OPCML: variants seen among roughly 807,000 people sequenced by gnomAD.
The protein encoded by OPCML is opioid binding protein/cell adhesion molecule like.
In OPCML, 13 loss-of-function variants were observed where a neutral mutation model predicts 37.8. The ratio of observed to expected loss-of-function variants is 0.34; its 90% CI spans 0.22 to 0.55. OPCML has a LOEUF of 0.55. Ranked by LOEUF, OPCML falls within the 20% of genes least tolerant of loss-of-function variation. The pLI, the probability that OPCML is intolerant of heterozygous loss-of-function variation, is 0.91. For missense variants in OPCML, 341 were observed against 435.6 expected, an observed-to-expected ratio of 0.78 and a Z score of 1.93; for synonymous variants, 176 against 168.8, an observed-to-expected ratio of 1.04 and a Z score of -0.33.
chr11:132,732,159 A>T (rs1019522566), intron 2 of OPCML, among the ~76,000 whole-genome samples: 1 of 152,198 alleles, frequency 6.6e-6, no homozygotes, highest in African/African-American at 2.4e-5. Context: ...ACTAGTTAGG[A>T]GAATATGTTT....
chr11:132,730,162 G>A (rs1038999602), intron 2 of OPCML, among the ~76,000 whole-genome samples: 4 of 151,626 alleles, frequency 2.6e-5, no homozygotes, highest in East Asian at 1.9e-4. Context: ...ACAGGCACCC[G>A]CCACCACACC....
intron 1 of OPCML, among the ~76,000 whole-genome samples, chr11:133,492,807 G>A (rs1947694528): frequency 6.6e-6 from 1 of 152,088 alleles, no homozygotes; most frequent in Admixed American, 6.5e-5. Flanking sequence ...ATGGAAACTT[G>A]AGGGAATGTC....
At chr11:133,026,863 T>C (rs1947564740) in intron 1 of OPCML, among the ~76,000 whole-genome samples, 1 of 152,214 alleles carries the variant, frequency 6.6e-6, no homozygotes, top group East Asian at 1.9e-4. Context: ...ATAGTTGATA[T>C]GTCGTTTGGA....
chr11:132,560,163 G>A (rs1049942435), intron 3 of OPCML, among the ~76,000 whole-genome samples: 1 of 152,014 alleles, frequency 6.6e-6, no homozygotes, highest in African/African-American at 2.4e-5. Context: ...CATTCCCTAG[G>A]TAATAGAAAT....
intron 3 of OPCML, among the ~76,000 whole-genome samples, chr11:132,546,562 C>A (rs765199093): frequency 2.0e-5 from 3 of 152,162 alleles, no homozygotes; most frequent in African/African-American, 7.2e-5. Context: ...CATCTTTCCA[C>A]ATATGTCAAT....
intron 2 of OPCML, among the ~76,000 whole-genome samples, chr11:132,765,595 C>A (rs1946412706): frequency 6.6e-6 from 1 of 152,206 alleles, no homozygotes; most frequent in East Asian, 1.9e-4. Flanking sequence ...AACAAGAACA[C>A]TGGAGTTGAT....
chr11:132,690,980 C>A (rs1943379753), intron 2 of OPCML, among the ~76,000 whole-genome samples: 1 of 152,178 alleles, frequency 6.6e-6, no homozygotes, highest in Non-Finnish European at 1.5e-5. Context: ...GACTCATTCT[C>A]TCATCAGACC....
At chr11:132,832,634 T>C (rs1300467994) in intron 2 of OPCML, among the ~76,000 whole-genome samples, 1 of 152,260 alleles carries the variant, frequency 6.6e-6, no homozygotes, top group Non-Finnish European at 1.5e-5. Flanking sequence ...TCATGTATGC[T>C]TTTTACAATT....
At chr11:132,462,522 C>T (rs2096106014) in intron 4 of OPCML, among the ~76,000 whole-genome samples, 1 of 152,150 alleles carries the variant, frequency 6.6e-6, no homozygotes, top group African/African-American at 2.4e-5. Context: ...AAGCGAGTGG[C>T]ATTGGAAAAG....
chr11:133,447,035 TTAGA>T (rs1489235486), intron 1 of OPCML, among the ~76,000 whole-genome samples: 6 of 152,354 alleles, frequency 3.9e-5, no homozygotes, highest in East Asian at 3.9e-4. Flanking sequence ...TTCATTTATC[TTAGA>T]TAGATACCTA....
intron 1 of OPCML, among the ~76,000 whole-genome samples, chr11:133,444,856 A>T (rs1183853050): frequency 6.6e-6 from 1 of 151,622 alleles, no homozygotes; most frequent in Non-Finnish European, 1.5e-5. Flanking sequence ...GGAGACCACC[A>T]TACCCCATCT....
chr11:132,660,803 C>T (rs889280345), intron 2 of OPCML, among the ~76,000 whole-genome samples: 8 of 152,074 alleles, frequency 5.3e-5, no homozygotes, highest in African/African-American at 1.9e-4. Flanking sequence ...CCATGACAGT[C>T]GGCTGATGGA....
intron 2 of OPCML, among the ~76,000 whole-genome samples, chr11:132,728,898 G>C (rs1385161540): frequency 6.6e-6 from 1 of 152,144 alleles, no homozygotes; most frequent in African/African-American, 2.4e-5. Flanking sequence ...TGCCAGGTCT[G>C]TGCTCTTTCT....
At chr11:132,861,048 A>C (rs1942279933) in intron 2 of OPCML, among the ~76,000 whole-genome samples, 1 of 152,232 alleles carries the variant, frequency 6.6e-6, no homozygotes, top group African/African-American at 2.4e-5. Flanking sequence ...ATTTTAATTC[A>C]CTGTATCTCA....
chr11:132,940,369 G>C (rs1945536365), intron 2 of OPCML, among the ~76,000 whole-genome samples: 1 of 152,170 alleles, frequency 6.6e-6, no homozygotes, highest in Admixed American at 6.5e-5. Context: ...TCGTGTGATG[G>C]GCATGGGTAT....
rs577687469 is a variant in OPCML, at chr11:133,207,978, C to T, written c.62-264968G>A. Among the ~76,000 whole-genome samples, 6 of 152,230 alleles carry T rather than the reference C, an allele frequency of 3.9e-5. No homozygotes were observed. The South Asian group carries it at 1.2e-3, about 32-fold the overall frequency. ...TGAAAAATATTTTTCCCTCCTTTAC[C>T]CATCTACTTAGCACCTCTACGCTTT... On this transcript the variant is annotated intron_variant, in intron 1 of 7. Transcript: ENST00000524381.
chr11:132,870,203 A>G (rs1317990493), intron 2 of OPCML, among the ~76,000 whole-genome samples: 1 of 152,226 alleles, frequency 6.6e-6, no homozygotes, highest in Non-Finnish European at 1.5e-5. Context: ...GAGTTCAGAC[A>G]GTCAGCTTGA....
chr11:133,402,283 C>T (rs899227920), intron 1 of OPCML, among the ~76,000 whole-genome samples: 6 of 152,016 alleles, frequency 3.9e-5, no homozygotes, highest in Admixed American at 6.6e-5. Flanking sequence ...AACAAGCCCA[C>T]CCAAGATAAC....
At chr11:132,722,718 G>T in intron 2 of OPCML, among the ~76,000 whole-genome samples, 1 of 152,042 alleles carries the variant, frequency 6.6e-6, no homozygotes. Context: ...GGAGACCCGT[G>T]GGTCAACTGC....
Sources: allele counts gnomAD v4.1 joint callset (sites outside exome capture counted in the v4.1 genomes callset), GRCh38; gene constraint gnomAD v4.1.1; transcripts MANE v1.5; gene names NCBI Gene and HGNC (gene_info 2026-07-23, HGNC 2026-07-21).